The following TPH2 variants were observed in gnomAD, a reference collection of about 807,000 sequenced individuals.
TPH2 encodes the protein tryptophan 5-hydroxylase 2.
In TPH2, 27 loss-of-function variants were observed where a neutral mutation model predicts 59.1. The ratio of observed to expected loss-of-function variants is 0.46; its 90% CI spans 0.34 to 0.63. The LOEUF (loss-of-function observed/expected upper bound fraction) is 0.63. Among genes scored for constraint, TPH2 ranks in the 30% least tolerant of loss-of-function variants. The pLI, the probability that TPH2 is intolerant of heterozygous loss-of-function variation, is 0.01. For synonymous variants in TPH2, 220 were observed against 210.5 expected (o/e 1.05, Z -0.39); for missense variants, 523 against 588.3 (o/e 0.89, Z 1.15).
chr12:72,025,304 G>A (rs1289246401), intron 9 of TPH2, among the ~76,000 whole-genome samples: 2 of 152,058 alleles, frequency 1.3e-5, no homozygotes, highest in African/African-American at 2.4e-5. Flanking sequence ...CAACTTTTTA[G>A]ATTGGGTTGC....
chr12:71,943,720 T>C (rs1871132252), intron 2 of TPH2, among the ~76,000 whole-genome samples: 1 of 152,132 alleles, frequency 6.6e-6, no homozygotes, highest in South Asian at 2.1e-4. Context: ...TAATTCTTTT[T>C]GTACCATATG....
chr12:71,961,621 G>A (rs1310890770), intron 5 of TPH2: 1 of 1,352,080 alleles, frequency 7.4e-7, no homozygotes, highest in African/African-American at 1.5e-5. Context: ...AGTTCTTTGA[G>A]CTCAAGCTCC....
intron 9 of TPH2, among the ~76,000 whole-genome samples, chr12:72,028,227 T>G (rs919223833): frequency 5.9e-5 from 9 of 152,182 alleles, no homozygotes; most frequent in African/African-American, 2.2e-4. Context: ...TCTTGCAAAC[T>G]TCAGGATATC....
At chr12:71,944,248 T>C in intron 2 of TPH2, 46 bp from the exon 3 acceptor site, 1 of 1,608,566 alleles carries the variant, frequency 6.2e-7, no homozygotes, top group Non-Finnish European at 8.5e-7. Flanking sequence ...ATGGCATTCC[T>C]TTTATTGTCC....
chr12:72,000,162 A>T (rs1490268056), intron 8 of TPH2, among the ~76,000 whole-genome samples: 4 of 152,254 alleles, frequency 2.6e-5, no homozygotes, highest in Non-Finnish European at 5.9e-5. Flanking sequence ...GGGACCAAGA[A>T]TATATAGTCA....
intron 5 of TPH2, among the ~76,000 whole-genome samples, chr12:71,971,369 G>A (rs144126999): frequency 4.7e-4 from 71 of 152,316 alleles, no homozygotes; most frequent in South Asian, 1.9e-3. Flanking sequence ...AAGTGAGGGC[G>A]TGCTGCAGGT....
chr12:71,965,756 T>C (rs1871801981), intron 5 of TPH2, among the ~76,000 whole-genome samples: 1 of 152,240 alleles, frequency 6.6e-6, no homozygotes, highest in Admixed American at 6.5e-5. Context: ...TCCTATTCTG[T>C]AGGTCATCCA....
At chr12:71,976,108 TG>T (rs1872110883) in intron 6 of TPH2, among the ~76,000 whole-genome samples, 1 of 152,266 alleles carries the variant, frequency 6.6e-6, no homozygotes. Context: ...TTCCTAGCTA[TG>T]TGACCTTAGA....
chr12:71,952,271 A>G (rs1301609238), intron 5 of TPH2, among the ~76,000 whole-genome samples: 1 of 152,128 alleles, frequency 6.6e-6, no homozygotes. Flanking sequence ...TCTGTAGAGA[A>G]AAAAAAGTAG....
intron 6 of TPH2, among the ~76,000 whole-genome samples, 175 bp from the exon 7 acceptor site, chr12:71,978,777 A>G (rs1430358186): frequency 6.6e-6 from 1 of 152,164 alleles, no homozygotes; most frequent in Non-Finnish European, 1.5e-5. Context: ...GATTTTAGTC[A>G]TCAGAAGCAC....
At chr12:72,027,952 A>T (rs1460552711) in intron 9 of TPH2, among the ~76,000 whole-genome samples, 1 of 152,144 alleles carries the variant, frequency 6.6e-6, no homozygotes, top group Middle Eastern at 3.2e-3. Context: ...CTGCAGCCCA[A>T]CATGGGGTAG....
intron 9 of TPH2, among the ~76,000 whole-genome samples, chr12:72,027,085 T>C (rs143728767): frequency 0.017 from 2,641 of 152,104 alleles, 41 homozygotes; most frequent in Middle Eastern, 0.037. Context: ...TTAACCAGTC[T>C]TAATATAGAT....
Position 72,019,968 on chromosome 12 carries a change from C to A in TPH2, c.1069-2431C>A, listed in dbSNP as rs142888885. ...CTTTGTGTGTTTCTTTCTTCCAGGT[C>A]ATTCTGCCACATGCCAGCTTAACTT... On this transcript the variant is annotated intron_variant, in intron 8 of 10. Transcript: ENST00000333850. Among the ~76,000 whole-genome samples the A allele has an allele frequency of 1.8e-3, 268 of 152,316 alleles. 5 individuals are homozygous for A. The highest frequency in any genetic ancestry group is 0.016 in the Admixed American group (246 of 15,298).
At chr12:71,971,256 G>A (rs1213397522) in intron 5 of TPH2, among the ~76,000 whole-genome samples, 2 of 152,186 alleles carry the variant, frequency 1.3e-5, no homozygotes, top group Non-Finnish European at 1.5e-5. Context: ...GATTGCAGGG[G>A]CACAACTCCT....
intron 8 of TPH2, among the ~76,000 whole-genome samples, chr12:72,000,426 C>T (rs571757650): frequency 4.6e-5 from 7 of 152,096 alleles, no homozygotes; most frequent in South Asian, 2.1e-4. Flanking sequence ...GTGATGTATA[C>T]GAAGTAACCT....
chr12:71,960,669 TC>T (rs1243798972), intron 5 of TPH2, among the ~76,000 whole-genome samples: 1 of 152,194 alleles, frequency 6.6e-6, no homozygotes, highest in East Asian at 1.9e-4. Flanking sequence ...ATAGCATGGC[TC>T]CCACAGCTGT....
chr12:72,009,525 T>C (rs1873045482), intron 8 of TPH2, among the ~76,000 whole-genome samples: 1 of 152,232 alleles, frequency 6.6e-6, no homozygotes. Context: ...CACAACTTAC[T>C]ATATTTCTAA....
intron 7 of TPH2, among the ~76,000 whole-genome samples, chr12:71,984,050 C>T (rs11179028): frequency 0.059 from 9,042 of 152,080 alleles, 412 homozygotes; most frequent in South Asian, 0.17. Context: ...TCTTTTCTGC[C>T]GGCATCACTT....
intron 5 of TPH2, among the ~76,000 whole-genome samples, chr12:71,966,272 G>T (rs755640454): frequency 7.3e-5 from 11 of 151,676 alleles, no homozygotes; most frequent in Admixed American, 1.3e-4. Context: ...AAAGGATTCT[G>T]TGGTTTTATT....
Sources: allele counts gnomAD v4.1 joint callset (sites outside exome capture counted in the v4.1 genomes callset), GRCh38; gene constraint gnomAD v4.1.1; transcripts MANE v1.5; gene names NCBI Gene and HGNC (gene_info 2026-07-23, HGNC 2026-07-21).